The following TNN variants were observed in gnomAD, a reference collection of about 807,000 sequenced individuals.
TNN encodes tenascin-N.
In TNN, 122 loss-of-function variants were observed where a neutral mutation model predicts 134.4. The observed-to-expected ratio is 0.91, with a 90% confidence interval of 0.78 to 1.06. The LOEUF (loss-of-function observed/expected upper bound fraction) is 1.06, where lower values mean the gene tolerates loss of function less well. Ranked by LOEUF, TNN falls within the 50% of genes least tolerant of loss-of-function variation. The probability of loss-of-function intolerance (pLI) is 0.00; values close to 1 mark genes in which losing one functional copy is unlikely to be tolerated. For synonymous variants in TNN, 710 were observed against 670.3 expected (o/e 1.06, Z -0.91); for missense variants, 1,739 against 1,699.4 (o/e 1.02, Z -0.41).
In TNN at chr1:175,116,987, T is replaced by C. The variant is rs1475945777; in HGVS notation, c.2168T>C (p.Met723Thr). The C allele has an allele frequency of 3.1e-6, 5 of 1,614,188 alleles. No homozygotes were observed. The highest frequency in any genetic ancestry group is 1.6e-4 in the Middle Eastern group (1 of 6,062). The change falls in exon 10 of 19, where the codon ATG becomes ACG. Residue 723 changes from methionine (M) to threonine (T), a missense_variant. Transcript: ENST00000239462. ...NLVTDRVTEN[M>T]ATVSWDPVRA... is the part of the protein sequence containing the mutation. The stretch of plus-strand genomic sequence containing the variant: ...GTGACCGACCGGGTGACAGAGAATA[T>C]GGCCACTGTCTCCTGGGACCCGGTG...
intron 15 of TNN, among the ~76,000 whole-genome samples, chr1:175,135,471 G>T (rs1053988051): frequency 6.6e-6 from 1 of 152,202 alleles, no homozygotes; most frequent in Non-Finnish European, 1.5e-5. Flanking sequence ...CCATAAACAT[G>T]ATGTGCCCCA....
chr1:175,107,561 G>A lies in TNN; in HGVS notation c.2119+8966G>A, dbSNP rs578226380. On this transcript the variant is annotated intron_variant, in intron 9 of 18. Coordinates refer to ENST00000239462, the MANE Select transcript of TNN (RefSeq NM_022093.2). ...GAGTGTTACAGCTCATAAAAGCAGC[G>A]TGGACCCAAAGAGTGAGCAGTAGCA... Among the ~76,000 whole-genome samples, 34 of 146,930 alleles carry A rather than the reference G, an allele frequency of 2.3e-4. 2 individuals carry two copies. The South Asian group carries it at 6.1e-3, about 26-fold the overall frequency.
At chr1:175,124,283 G>A (rs1381037612) in intron 12 of TNN, among the ~76,000 whole-genome samples, 1 of 152,082 alleles carries the variant, frequency 6.6e-6, no homozygotes, top group Admixed American at 6.5e-5. Flanking sequence ...TTTCTCTATG[G>A]TTTTTATTAG....
At chr1:175,136,041 G>A (rs1358571075) in intron 16 of TNN, 100 bp downstream of exon 16, 1 of 818,150 alleles carries the variant, frequency 1.2e-6, no homozygotes, top group African/African-American at 1.7e-5. Flanking sequence ...TTCACAGAGA[G>A]GCCCCAGTGG....
rs1295513797 is a variant in TNN at position 175,123,252 on chromosome 1, T to C, written c.2651-148T>C. The C allele has an allele frequency of 3.3e-6, 3 of 899,512 alleles. No homozygotes were observed. In the African/African-American group the frequency reaches 5.0e-5, roughly 15 times the overall value. The allele number at this position is 899,512 out of a possible 1,614,324, so 55.7% of individuals were successfully genotyped here. On this transcript the variant is annotated intron_variant, in intron 11 of 18. Coordinates refer to ENST00000239462, the MANE Select transcript of TNN (RefSeq NM_022093.2). ...ATCCAGTGGTTTGTTTCCTTGGAAA[T>C]GGAGACCAGGGGCCTTTGACTCGTG...
chr1:175,080,739 C>A (rs1356344973), intron 4 of TNN, among the ~76,000 whole-genome samples: 1 of 152,126 alleles, frequency 6.6e-6, no homozygotes. Flanking sequence ...ACTGAACCCC[C>A]AAAGCCATTC....
intron 4 of TNN, among the ~76,000 whole-genome samples, chr1:175,082,030 T>C (rs1051466736): frequency 6.6e-5 from 10 of 152,218 alleles, no homozygotes; most frequent in Non-Finnish European, 1.5e-4. Context: ...TTTGTCTTGA[T>C]CTATGCGGTC....
At chr1:175,144,245 T>G in intron 17 of TNN, 142 bp from the exon 18 acceptor site, 6 of 746,188 alleles carry the variant, frequency 8.0e-6, no homozygotes, top group Non-Finnish European at 1.3e-5. Flanking sequence ...TGGGCTGTTT[T>G]GAGAGAGCGG....
intron 3 of TNN, 80 bp downstream of exon 3, chr1:175,079,787 C>T: frequency 1.4e-6 from 2 of 1,470,944 alleles, no homozygotes; most frequent in South Asian, 1.4e-5. Context: ...ACGTTGTCAT[C>T]TTTGGGGGTC....
At chr1:175,119,873 C>T (rs759946812) in intron 11 of TNN, among the ~76,000 whole-genome samples, 21 of 152,178 alleles carry the variant, frequency 1.4e-4, no homozygotes, top group East Asian at 5.8e-4. Flanking sequence ...CTCCTGACCT[C>T]GTGATCCGCC....
chr1:175,103,994 G>T lies in TNN; in HGVS notation c.2119+5399G>T. Reference sequence around the variant, plus strand: ...CTCCTCAAGTAGGGGACAACAAATGGGTAACTTGTTCCCCATATTTATGTA... The same window carrying T: ...CTCCTCAAGTAGGGGACAACAAATGTGTAACTTGTTCCCCATATTTATGTA... On this transcript the variant is annotated intron_variant, in intron 9 of 18. Transcript: ENST00000239462. Among the ~76,000 whole-genome samples the T allele has an allele frequency of 1.4e-5, 2 of 145,688 alleles. 1 individual carries two copies. The highest frequency in any genetic ancestry group is 4.6e-4 in the East Asian group (2 of 4,372).
At chr1:175,128,550 C>A (rs1472396722) in intron 14 of TNN, 45 bp from the exon 15 acceptor site, 8 of 1,543,396 alleles carry the variant, frequency 5.2e-6, no homozygotes, top group Non-Finnish European at 7.0e-6. Flanking sequence ...CACCTCTTTC[C>A]TCCTTGCCCT....
intron 7 of TNN, among the ~76,000 whole-genome samples, chr1:175,095,205 C>A (rs1674541439): frequency 6.6e-6 from 1 of 152,162 alleles, no homozygotes; most frequent in African/African-American, 2.4e-5. Context: ...TTGACCTCTT[C>A]TTCAGGGGAG....
chr1:175,117,438 A>G (rs965348801), intron 10 of TNN, among the ~76,000 whole-genome samples: 2 of 151,910 alleles, frequency 1.3e-5, no homozygotes, highest in Non-Finnish European at 2.9e-5. Context: ...ATGTCCATCA[A>G]CTCCTCTTCT....
rs192134401 is a variant in TNN at position 175,110,288 on chromosome 1, G to A, written c.2120-6651G>A. On this transcript the variant is annotated intron_variant, in intron 9 of 18. Transcript: ENST00000239462. ...TTATTAATACTTTATCACATAGACAGCTTGCAAATAGTTTCTCCCATTATG... is the reference window on the plus strand; with the variant it reads ...TTATTAATACTTTATCACATAGACAACTTGCAAATAGTTTCTCCCATTATG... 1.8e-3 allele frequency among the ~76,000 whole-genome samples: 272 copies of A among 152,304 alleles called. 1 individual carries two copies. Among genetic ancestry groups the A allele is most frequent in the Non-Finnish European group, 3.0e-3 (206 of 68,024 alleles).
chr1:175,128,773 T>C (rs991083459), intron 15 of TNN, 27 bp downstream of exon 15: 1 of 1,600,978 alleles, frequency 6.2e-7, no homozygotes, highest in Non-Finnish European at 8.5e-7. Flanking sequence ...CCTGGGGAGC[T>C]CTGTGTAGGG....
chr1:175,124,540 G>C (rs1038852123), intron 12 of TNN, among the ~76,000 whole-genome samples: 2 of 152,150 alleles, frequency 1.3e-5, no homozygotes, highest in Non-Finnish European at 2.9e-5. Flanking sequence ...AATTAGCTGG[G>C]TGTGGTGGCA....
intron 15 of TNN, 29 bp downstream of exon 15, chr1:175,128,775 T>A (rs6664308): frequency 0.03 from 47,626 of 1,584,178 alleles, 1,622 homozygotes; most frequent in African/African-American, 0.17. Context: ...TGGGGAGCTC[T>A]GTGTAGGGCC....
Position 175,128,693 on chromosome 1 carries a change from A to T in TNN, c.3277A>T (p.Ser1093Cys). The part of the protein sequence containing the change: ...LYTIYLHGDA[S>C]RPLQVYCDME... ...CACCATCTACCTGCATGGCGATGCC[A>T]GCCGGCCCCTGCAGGTGTACTGTGA... Residue 1093 changes from serine to cysteine, a missense_variant, in exon 15 of 19, where the codon AGC (serine) becomes TGC (cysteine). Coordinates refer to ENST00000239462, the MANE Select transcript of TNN (RefSeq NM_022093.2). 6.2e-7 allele frequency: 1 copy of T among 1,614,054 alleles called. No individual in the cohort carries two copies.
Sources: gnomAD v4.1 joint callset for allele counts (sites outside exome capture counted in the v4.1 genomes callset) on GRCh38, gnomAD v4.1.1 for gene constraint, MANE v1.5 for transcripts, NCBI Gene and HGNC (gene_info 2026-07-23, HGNC 2026-07-21) for gene names.